TSPAN5: variants seen among roughly 807,000 people sequenced by gnomAD.
TSPAN5 encodes the protein tetraspanin 5, also known as tetraspanin-5.
TSPAN5 carries 10 observed loss-of-function variants against 37.1 expected under a neutral mutation model. The observed-to-expected ratio is 0.27, with a 90% CI of 0.17 to 0.46. TSPAN5 has a LOEUF of 0.46. Ranked by LOEUF, TSPAN5 falls within the 20% of genes least tolerant of loss-of-function variation. The pLI is 1.00. For synonymous variants in TSPAN5, 110 were observed against 118.9 expected, an observed-to-expected ratio of 0.93 and a Z score of 0.48; for missense variants, 195 against 326.6, an observed-to-expected ratio of 0.60 and a Z score of 3.11.
At chr4:98,561,278 C>G (rs1754877558) in intron 1 of TSPAN5, among the ~76,000 whole-genome samples, 1 of 152,220 alleles carries the variant, frequency 6.6e-6, no homozygotes, top group Non-Finnish European at 1.5e-5. Context: ...GGACAGTCAT[C>G]CAGGCTCACG....
intron 2 of TSPAN5, among the ~76,000 whole-genome samples, chr4:98,488,609 T>C (rs1240731759): frequency 2.0e-5 from 3 of 152,214 alleles, no homozygotes; most frequent in African/African-American, 7.2e-5. Context: ...ACCAAAGGTT[T>C]GATCCAATTT....
chr4:98,546,671 C>G (rs954794616), intron 1 of TSPAN5, among the ~76,000 whole-genome samples: 1 of 152,036 alleles, frequency 6.6e-6, no homozygotes, highest in Admixed American at 6.5e-5. Flanking sequence ...TCCCCTAAAC[C>G]TGGACTCACA....
In TSPAN5 at chr4:98,658,140, A is replaced by G; in HGVS notation, c.81+6T>C. On this transcript the variant is annotated splice_donor_region_variant and intron_variant, in intron 1 of 7. Coordinates refer to ENST00000305798, the MANE Select transcript of TSPAN5 (RefSeq NM_005723.4). ...TAGTTGGAATCCCAGGAGCGCTCCA[A>G]CTTACCCAAAATATGACATTGAAGC... is the stretch of plus-strand genomic sequence containing the variant. The G allele has an allele frequency of 1.2e-6, 2 of 1,612,990 alleles. No individual in the cohort carries two copies. Among genetic ancestry groups the G allele is most frequent in the South Asian group, 1.1e-5 (1 of 91,052 alleles).
chr4:98,476,285 T>G lies in TSPAN5; in HGVS notation c.645A>C (p.Val215=). The change falls in exon 7 of 8, where the codon GTA becomes GTC. Residue 215 remains valine, a synonymous_variant. Coordinates refer to ENST00000305798, the MANE Select transcript of TSPAN5 (RefSeq NM_005723.4). ...RQKPEVDQQI[V]IYTKGCVPQF... ...GGGGCACACAGCCTTTCGTGTAGAT[T>G]ACAATCTGCTGGTCAACTTCCTTCA... The G allele has an allele frequency of 6.2e-7, 1 of 1,613,910 alleles. No homozygotes were observed. The highest frequency in any genetic ancestry group is 8.5e-7 in the Non-Finnish European group (1 of 1,179,952).
At chr4:98,585,090 C>T (rs1755454838) in intron 1 of TSPAN5, among the ~76,000 whole-genome samples, 1 of 152,178 alleles carries the variant, frequency 6.6e-6, no homozygotes, top group African/African-American at 2.4e-5. Flanking sequence ...TGAAAGAGCA[C>T]TAGATCTGCA....
chr4:98,485,762 C>CTTTTTTTTTTTTTTTT (rs766494512), intron 3 of TSPAN5, among the ~76,000 whole-genome samples: 6 of 86,596 alleles, frequency 6.9e-5, no homozygotes, highest in African/African-American at 2.7e-4. Flanking sequence ...CTTGGATATG[C>CTTTTTTTTTTTTTTTT]TTTTTTTTTT....
chr4:98,530,945 C>T (rs914931217), intron 1 of TSPAN5, among the ~76,000 whole-genome samples: 4 of 152,058 alleles, frequency 2.6e-5, no homozygotes, highest in Non-Finnish European at 2.9e-5. Context: ...CTCACTATGT[C>T]GCCCAGGCTG....
chr4:98,654,100 G>A (rs962104045), intron 1 of TSPAN5, among the ~76,000 whole-genome samples: 3 of 152,212 alleles, frequency 2.0e-5, no homozygotes, highest in Non-Finnish European at 4.4e-5. Flanking sequence ...TCAGCTTCCA[G>A]TCATATGAGT....
chr4:98,549,306 TTTTTTG>T (rs1754551333), intron 1 of TSPAN5, among the ~76,000 whole-genome samples: 1 of 148,626 alleles, frequency 6.7e-6, no homozygotes, highest in Non-Finnish European at 1.5e-5. Context: ...GTTTTTGTTT[TTTTTTG>T]TTTTTTTTGA....
At chr4:98,513,778 G>A (rs191096184) in intron 1 of TSPAN5, among the ~76,000 whole-genome samples, 10 of 151,510 alleles carry the variant, frequency 6.6e-5, no homozygotes, top group Non-Finnish European at 1.0e-4. Flanking sequence ...AATAAATTTC[G>A]GTTTGTATAC....
intron 1 of TSPAN5, among the ~76,000 whole-genome samples, chr4:98,648,820 A>G (rs1478034623): frequency 6.6e-6 from 1 of 152,236 alleles, no homozygotes; most frequent in Non-Finnish European, 1.5e-5. Context: ...AAGCTTCTCA[A>G]ACTCAGCTGG....
At chr4:98,655,351 G>A (rs1325130298) in intron 1 of TSPAN5, among the ~76,000 whole-genome samples, 1 of 152,006 alleles carries the variant, frequency 6.6e-6, no homozygotes, top group East Asian at 1.9e-4. Flanking sequence ...CCAGCATATT[G>A]GAACTCAAGA....
chr4:98,570,558 T>C (rs1179317136), intron 1 of TSPAN5, among the ~76,000 whole-genome samples: 1 of 152,038 alleles, frequency 6.6e-6, no homozygotes. Context: ...CATATATAAA[T>C]GCTGACTGCA....
chr4:98,540,625 A>T (rs576835836), intron 1 of TSPAN5, among the ~76,000 whole-genome samples: 1 of 152,324 alleles, frequency 6.6e-6, no homozygotes, highest in South Asian at 2.1e-4. Flanking sequence ...GACGTGAGCC[A>T]CCGTGCCCAG....
At chr4:98,502,968 G>A (rs1753387499) in intron 2 of TSPAN5, among the ~76,000 whole-genome samples, 1 of 151,716 alleles carries the variant, frequency 6.6e-6, no homozygotes, top group Admixed American at 6.6e-5. Flanking sequence ...TGGCATGGTG[G>A]GGCAAAAGGA....
At chr4:98,564,020 C>T (rs1754941334) in intron 1 of TSPAN5, among the ~76,000 whole-genome samples, 1 of 152,168 alleles carries the variant, frequency 6.6e-6, no homozygotes, top group Non-Finnish European at 1.5e-5. Flanking sequence ...CCAGTAAGTA[C>T]TTTTTGGCAA....
intron 7 of TSPAN5, among the ~76,000 whole-genome samples, chr4:98,474,673 A>T (rs1003585862): frequency 1.3e-5 from 2 of 148,220 alleles, no homozygotes; most frequent in African/African-American, 2.5e-5. Flanking sequence ...AATCATATAT[A>T]TTTTTTTCTT....
chr4:98,518,472 A>T (rs1046500140), intron 1 of TSPAN5, among the ~76,000 whole-genome samples: 3 of 152,212 alleles, frequency 2.0e-5, no homozygotes, highest in African/African-American at 7.2e-5. Flanking sequence ...ATTCCCAGAG[A>T]TGCACATGGG....
intron 1 of TSPAN5, among the ~76,000 whole-genome samples, chr4:98,582,418 T>C (rs1919215): frequency 1.3e-5 from 2 of 151,662 alleles, no homozygotes; most frequent in African/African-American, 4.8e-5. Flanking sequence ...CACACAAAAC[T>C]GCAAGGAAAA....
Sources: gnomAD v4.1 joint callset for allele counts (sites outside exome capture counted in the v4.1 genomes callset) on GRCh38, gnomAD v4.1.1 for gene constraint, MANE v1.5 for transcripts, NCBI Gene and HGNC (gene_info 2026-07-23, HGNC 2026-07-21) for gene names.